Variants in KATNAL2 observed in about 807,000 individuals in gnomAD.
KATNAL2 encodes the protein katanin catalytic subunit A1 like 2.
A neutral mutation model predicts 76.3 loss-of-function variants in KATNAL2; 52 were observed. That is an observed-to-expected ratio of 0.68 (90% CI 0.55 to 0.86). The LOEUF (loss-of-function observed/expected upper bound fraction) is 0.86, where lower values mean the gene tolerates loss of function less well. Ranked by LOEUF, KATNAL2 falls within the 40% of genes least tolerant of loss-of-function variation. The pLI is 0.00. For missense variants in KATNAL2, 660 were observed against 668.9 expected, an observed-to-expected ratio of 0.99 and a Z score of 0.15; for synonymous variants, 243 against 244.2, an observed-to-expected ratio of 1.00 and a Z score of 0.05.
intron 3 of KATNAL2, among the ~76,000 whole-genome samples, chr18:47,041,769 T>A (rs927760415): frequency 1.3e-5 from 2 of 152,204 alleles, no homozygotes; most frequent in African/African-American, 4.8e-5. Context: ...GTATGGTTAG[T>A]CTTTACTTTA....
chr18:46,931,186 G>C (rs2058907583), intron 1 of KATNAL2, among the ~76,000 whole-genome samples: 2 of 149,614 alleles, frequency 1.3e-5, no homozygotes, highest in Non-Finnish European at 3.0e-5. Context: ...TGTAGTACTA[G>C]CTACTTGGGA....
rs187287310 is a variant in KATNAL2, at chr18:47,032,106, T to C, written c.52-14351T>C. 4.7e-4 allele frequency among the ~76,000 whole-genome samples: 72 copies of C among 152,360 alleles called. 2 individuals carry two copies. In the East Asian group the frequency reaches 0.014, roughly 29 times the overall value. Reference sequence around the variant, plus strand: ...TTCAGAACCTAAATAAGCTGATTAATGTGTCACCATTCTTTCATAGGGGTT... The same window carrying C: ...TTCAGAACCTAAATAAGCTGATTAACGTGTCACCATTCTTTCATAGGGGTT... On this transcript the variant is annotated intron_variant, in intron 3 of 17. Transcript: ENST00000683218.
In KATNAL2 at chr18:47,058,218, TTTGTTCC is replaced by T. The variant is rs761469597; in HGVS notation, c.333-16_333-10del. On this transcript the variant is annotated splice_polypyrimidine_tract_variant and intron_variant, in intron 6 of 17. Coordinates refer to ENST00000683218, the MANE Select transcript of KATNAL2 (RefSeq NM_001387690.1). Reference sequence around the variant, plus strand: ...GGCTAGAATAATTTCTTCCAAGGTCTTTGTTCCCTCCCTTAGGATGATGAACGACAGT... The same window carrying T: ...GGCTAGAATAATTTCTTCCAAGGTCTCTCCCTTAGGATGATGAACGACAGT... 1.1e-4 allele frequency: 173 copies of T among 1,537,176 alleles called. 2 individuals carry two copies. The East Asian group carries it at 3.8e-3, about 34-fold the overall frequency.
chr18:47,055,405 T>C (rs2061443287), intron 6 of KATNAL2, among the ~76,000 whole-genome samples: 1 of 152,182 alleles, frequency 6.6e-6, no homozygotes, highest in Non-Finnish European at 1.5e-5. Context: ...ATGGATTCTG[T>C]TATGCCTCCG....
At chr18:47,065,090 A>T (rs997951979) in intron 10 of KATNAL2, among the ~76,000 whole-genome samples, 5 of 152,192 alleles carry the variant, frequency 3.3e-5, no homozygotes, top group African/African-American at 1.2e-4. Context: ...CAGAATAAGG[A>T]AGACTGAGTC....
In KATNAL2 at chr18:46,962,101, A is replaced by G. The variant is rs547435370; in HGVS notation, c.51+15178A>G. On this transcript the variant is annotated intron_variant, in intron 3 of 17. Transcript: ENST00000683218. ...GGCACTATTTTCAGCCACTTGAGCA[A>G]ATAGGATTTTGGCTCAGCCCTCTAA... Among the ~76,000 whole-genome samples the G allele has an allele frequency of 8.5e-4, 129 of 151,262 alleles. 6 individuals carry two copies. The highest frequency in any genetic ancestry group is 2.9e-3 in the African/African-American group (118 of 40,686).
chr18:47,071,043 A>AT (rs1569112457), intron 13 of KATNAL2, among the ~76,000 whole-genome samples: 3 of 151,992 alleles, frequency 2.0e-5, no homozygotes, highest in Admixed American at 1.3e-4. Context: ...TATATGGGGA[A>AT]TTTTTTTCAA....
At chr18:46,950,580 A>G (rs556318647) in intron 3 of KATNAL2, among the ~76,000 whole-genome samples, 2 of 152,336 alleles carry the variant, frequency 1.3e-5, no homozygotes, top group African/African-American at 4.8e-5. Context: ...AAAATTTGAA[A>G]AAAAACGAAT....
At chr18:47,037,727 G>A (rs888263873) in intron 3 of KATNAL2, among the ~76,000 whole-genome samples, 8 of 152,068 alleles carry the variant, frequency 5.3e-5, no homozygotes, top group African/African-American at 1.9e-4. Context: ...CTCTTTTCCT[G>A]CTTTACTCTT....
At chr18:47,031,775 G>T (rs1475298141) in intron 3 of KATNAL2, among the ~76,000 whole-genome samples, 1 of 152,180 alleles carries the variant, frequency 6.6e-6, no homozygotes, top group Non-Finnish European at 1.5e-5. Context: ...TCCCCACCTG[G>T]ACTTTTTTGA....
At chr18:47,061,859 T>C (rs540447409) in intron 8 of KATNAL2, among the ~76,000 whole-genome samples, 2 of 113,288 alleles carry the variant, frequency 1.8e-5, no homozygotes, top group South Asian at 5.9e-4. Context: ...TTAACTATTA[T>C]TATTATTTTT....
At position 47,063,270 on chromosome 18, in the gene KATNAL2, G is replaced by T. The variant is rs772324803; in HGVS notation, c.649-14G>T. 2 of 1,611,824 alleles carry T rather than the reference G, an allele frequency of 1.2e-6. No homozygotes were observed. Among genetic ancestry groups the T allele is most frequent in the Admixed American group, 3.3e-5 (2 of 59,742 alleles). On this transcript the variant is annotated splice_polypyrimidine_tract_variant and intron_variant, in intron 9 of 17. Coordinates refer to ENST00000683218, the MANE Select transcript of KATNAL2 (RefSeq NM_001387690.1). The stretch of plus-strand genomic sequence containing the variant: ...GCAATATTGTAATGTGAGCCTTTCC[G>T]CTCCTCTCATCAGGAACGACTGCTG...
chr18:47,034,578 C>T (rs1599585184), intron 3 of KATNAL2: 1 of 1,614,198 alleles, frequency 6.2e-7, no homozygotes, highest in Non-Finnish European at 8.5e-7. Flanking sequence ...CCTGGCGAGA[C>T]GATTTGTGCC....
At chr18:47,035,371 G>A (rs1030722820) in intron 3 of KATNAL2, 4 of 1,567,134 alleles carry the variant, frequency 2.6e-6, no homozygotes, top group African/African-American at 1.4e-5. Context: ...CGGTCGCCAG[G>A]CAGCGACCTC....
At chr18:47,048,468 C>T (rs72921352) in intron 4 of KATNAL2, among the ~76,000 whole-genome samples, 3,448 of 152,266 alleles carry the variant, frequency 0.023, 51 homozygotes, top group Non-Finnish European at 0.036. Flanking sequence ...GAAATGAGTG[C>T]CCCCGTCCCA....
rs780255685 is a variant in KATNAL2 at position 47,058,282 on chromosome 18, G to A, written c.380G>A (p.Arg127Lys). Reference protein sequence around the residue: ...CQNLPKINQQRPRSKTTAGKT... With the variant: ...CQNLPKINQQKPRSKTTAGKT... ...AATCTTCCCAAGATCAATCAGCAGAGGCCCCGGTCCAAAACCACAGCGGGG... is the reference window on the plus strand; with the variant it reads ...AATCTTCCCAAGATCAATCAGCAGAAGCCCCGGTCCAAAACCACAGCGGGG... The change falls in exon 7 of 18, where the codon AGG becomes AAG. Residue 127 changes from arginine (R) to lysine (K), a missense_variant. Coordinates refer to ENST00000683218, the MANE Select transcript of KATNAL2 (RefSeq NM_001387690.1). The A allele has an allele frequency of 6.2e-7, 1 of 1,614,104 alleles. No individual in the cohort carries two copies. The highest frequency in any genetic ancestry group is 1.1e-5 in the South Asian group (1 of 91,078).
chr18:47,042,236 T>TTTA, intron 3 of KATNAL2, among the ~76,000 whole-genome samples: 1 of 152,232 alleles, frequency 6.6e-6, no homozygotes, highest in East Asian at 1.9e-4. Flanking sequence ...GAGCCCTGAC[T>TTTA]TTTATTTATT....
intron 15 of KATNAL2, chr18:47,084,534 A>C (rs2147311914): frequency 1.6e-6 from 1 of 621,568 alleles, no homozygotes; most frequent in East Asian, 2.8e-5. Context: ...TTCCCCCAGC[A>C]GGGTTGCTCA....
intron 3 of KATNAL2, chr18:47,034,178 A>T: frequency 6.2e-7 from 1 of 1,614,122 alleles, no homozygotes; most frequent in South Asian, 1.1e-5. Context: ...TCAGAGAGGG[A>T]GCTCACGGAC....
Sources: gnomAD v4.1 joint callset for allele counts (sites outside exome capture counted in the v4.1 genomes callset) on GRCh38, gnomAD v4.1.1 for gene constraint, MANE v1.5 for transcripts, NCBI Gene and HGNC (gene_info 2026-07-23, HGNC 2026-07-21) for gene names.